USP12: variants seen among roughly 807,000 people sequenced by gnomAD.
USP12 encodes the protein ubiquitin specific peptidase 12.
In USP12, 19 loss-of-function variants were observed where a neutral mutation model predicts 45.5. The ratio of observed to expected loss-of-function variants is 0.42; its 90% confidence interval spans 0.29 to 0.61. The LOEUF is 0.61. USP12 is among the 20% of genes least tolerant of loss of function. USP12 has a pLI of 0.22. For missense variants in USP12, 242 were observed against 447.7 expected (o/e 0.54, Z 4.15); for synonymous variants, 149 against 148.8 (o/e 1.00, Z -0.01).
At chr13:27,078,395 T>C (rs527653172) in intron 6 of USP12, among the ~76,000 whole-genome samples, 1 of 152,020 alleles carries the variant, frequency 6.6e-6, no homozygotes, top group Non-Finnish European at 1.5e-5. Context: ...CATTTTGCTC[T>C]ATGTGAGGGT....
chr13:27,104,923 A>T (rs558478705), intron 3 of USP12, among the ~76,000 whole-genome samples: 1 of 152,392 alleles, frequency 6.6e-6, no homozygotes, highest in African/African-American at 2.4e-5. Flanking sequence ...CATTAAACAA[A>T]AGCCAGAATT....
intron 7 of USP12, among the ~76,000 whole-genome samples, chr13:27,074,138 C>G (rs761194723): frequency 2.6e-5 from 4 of 152,136 alleles, no homozygotes; most frequent in Admixed American, 6.5e-5. Flanking sequence ...CGGTGGCTCA[C>G]GCGTGTAATC....
intron 1 of USP12, among the ~76,000 whole-genome samples, chr13:27,158,225 G>A (rs1877927714): frequency 6.6e-6 from 1 of 152,140 alleles, no homozygotes; most frequent in African/African-American, 2.4e-5. Flanking sequence ...AAGACAAAAT[G>A]GAGACAGAGA....
chr13:27,094,765 A>G (rs935202744), intron 4 of USP12, among the ~76,000 whole-genome samples: 3 of 152,150 alleles, frequency 2.0e-5, no homozygotes, highest in African/African-American at 7.2e-5. Flanking sequence ...GACCATGTAA[A>G]TGTTTCAGGT....
At chr13:27,085,796 AAC>A (rs1307897290) in intron 6 of USP12, among the ~76,000 whole-genome samples, 2 of 152,152 alleles carry the variant, frequency 1.3e-5, no homozygotes, top group Non-Finnish European at 2.9e-5. Context: ...CACTGTTTAT[AAC>A]AGTGTAAAAA....
At chr13:27,148,457 C>T (rs549879536) in intron 1 of USP12, among the ~76,000 whole-genome samples, 276 of 151,662 alleles carry the variant, frequency 1.8e-3, no homozygotes, top group African/African-American at 6.5e-3. Context: ...GGGCAGATCA[C>T]GAGGTCAGGA....
intron 1 of USP12, among the ~76,000 whole-genome samples, chr13:27,122,865 A>G (rs1033155644): frequency 2.0e-5 from 3 of 151,954 alleles, no homozygotes; most frequent in African/African-American, 7.3e-5. Context: ...AGGCCGAGGC[A>G]GGCAGATCAA....
At chr13:27,081,697 A>G (rs554142141) in intron 6 of USP12, among the ~76,000 whole-genome samples, 80 of 152,344 alleles carry the variant, frequency 5.3e-4, no homozygotes, top group Middle Eastern at 3.4e-3. Context: ...GCAGCTGTAG[A>G]CTTAAAAAAT....
chr13:27,106,497 A>T (rs995427434), intron 2 of USP12, among the ~76,000 whole-genome samples: 2 of 152,208 alleles, frequency 1.3e-5, no homozygotes, highest in African/African-American at 4.8e-5. Flanking sequence ...TTCCATTAAT[A>T]AACACTGGCT....
chr13:27,136,999 T>C (rs1220615547), intron 1 of USP12, among the ~76,000 whole-genome samples: 1 of 152,060 alleles, frequency 6.6e-6, no homozygotes, highest in Non-Finnish European at 1.5e-5. Context: ...AGTTTTCCCA[T>C]AATAAAAAAA....
intron 1 of USP12, among the ~76,000 whole-genome samples, chr13:27,152,562 C>G (rs1306361314): frequency 6.6e-6 from 1 of 152,070 alleles, no homozygotes. Flanking sequence ...GTGATAAATG[C>G]AAAACTCTAA....
intron 7 of USP12, among the ~76,000 whole-genome samples, chr13:27,074,963 G>C (rs1252065577): frequency 6.6e-6 from 1 of 152,080 alleles, no homozygotes; most frequent in Non-Finnish European, 1.5e-5. Context: ...ATCAGATATA[G>C]TACTTGTAGA....
intron 1 of USP12, among the ~76,000 whole-genome samples, chr13:27,162,448 G>A (rs1878153367): frequency 6.6e-6 from 1 of 152,174 alleles, no homozygotes; most frequent in Non-Finnish European, 1.5e-5. Flanking sequence ...ATCCCTAGCT[G>A]CTGCAGGGCT....
At chr13:27,086,257 A>G (rs1593176412) in intron 6 of USP12, among the ~76,000 whole-genome samples, 2 of 81,156 alleles carry the variant, frequency 2.5e-5, no homozygotes, top group African/African-American at 8.1e-5. Context: ...ATGCACATAT[A>G]CATATACATA....
At chr13:27,119,870 G>A (rs1413892725) in intron 1 of USP12, among the ~76,000 whole-genome samples, 1 of 152,220 alleles carries the variant, frequency 6.6e-6, no homozygotes, top group East Asian at 1.9e-4. Flanking sequence ...GCCTTCCTGT[G>A]GTAATGACAC....
chr13:27,099,454 A>T (rs73155876), intron 3 of USP12, among the ~76,000 whole-genome samples: 17,469 of 152,044 alleles, frequency 0.11, 1,077 homozygotes, highest in Admixed American at 0.13. Context: ...ATTCTTCATA[A>T]ACAATTACTT....
At chr13:27,085,877 T>A (rs1027046243) in intron 6 of USP12, among the ~76,000 whole-genome samples, 2 of 152,120 alleles carry the variant, frequency 1.3e-5, no homozygotes, top group East Asian at 3.9e-4. Context: ...AAAAAAAATA[T>A]ACTATGCAGC....
Position 27,116,550 on chromosome 13 carries a change from A to G in USP12, c.95T>C (p.Phe32Ser). 1 of 1,613,344 alleles carries G rather than the reference A, an allele frequency of 6.2e-7. No homozygotes were observed. The highest frequency in any genetic ancestry group is 8.5e-7 in the Non-Finnish European group (1 of 1,179,902). The change falls in exon 2 of 9, where the codon TTT (phenylalanine) becomes TCT (serine). Residue 32 changes from phenylalanine to serine, a missense_variant. Phe to Ser is a radical substitution (Grantham distance 155, BLOSUM62 -2). This residue lies in a region of USP12 where 77 missense variants were observed against 153.7 expected (regional missense o/e 0.50). Coordinates refer to ENST00000282344, the MANE Select transcript of USP12 (RefSeq NM_182488.4). ...ALEKEIGPEQ[F>S]PVNEHYFGLV... is the part of the protein sequence containing the mutation. ...TCCAAAATAGTGCTCATTGACCGGA[A>G]ACTGTTCTGGACCAATCTCTTTCTC...
rs555444474 is a variant in USP12, at chr13:27,160,781, C to CT, written c.48+10810dup. Among the ~76,000 whole-genome samples, 194 of 143,084 alleles carry CT rather than the reference C, an allele frequency of 1.4e-3. 4 individuals carry two copies. The highest frequency in any genetic ancestry group is 0.013 in the South Asian group (59 of 4,466). 93.9% of individuals were successfully genotyped at this position (143,084 alleles called of 152,430 possible). A position where few individuals can be genotyped will look rare whatever the true frequency, so the allele number is the denominator to read the frequency against. ...TTAAAAGAACCAAAGCATCATGTTT[C>CT]TTTTTTTTTTTTTTCCCCCTTCAAC... is the stretch of plus-strand genomic sequence containing the variant. On this transcript the variant is annotated intron_variant, in intron 1 of 8. Coordinates refer to ENST00000282344, the MANE Select transcript of USP12 (RefSeq NM_182488.4).
Sources: allele counts gnomAD v4.1 joint callset (sites outside exome capture counted in the v4.1 genomes callset), GRCh38; gene constraint gnomAD v4.1.1; regional missense constraint gnomAD v4.1.1; transcripts MANE v1.5; gene names NCBI Gene and HGNC (gene_info 2026-07-23, HGNC 2026-07-21).